The following STPG2 variants were observed in gnomAD, a reference collection of about 807,000 sequenced individuals.
STPG2 encodes sperm tail PG-rich repeat containing 2, also known as sperm-tail PG-rich repeat-containing protein 2.
Under a neutral mutation model 54.2 loss-of-function variants are expected in STPG2, and 56 were observed. That is an observed-to-expected ratio of 1.03 (90% CI 0.83 to 1.29). The LOEUF (loss-of-function observed/expected upper bound fraction) is 1.29. STPG2 is among the 50% of genes most tolerant of loss of function. The pLI, the probability that STPG2 is intolerant of heterozygous loss-of-function variation, is 0.00. For missense variants in STPG2, 596 were observed against 544.9 expected (o/e 1.09, Z -0.93); for synonymous variants, 200 against 181.8 (o/e 1.10, Z -0.81).
chr4:97,870,884 T>A (rs1729958722), intron 8 of STPG2, among the ~76,000 whole-genome samples: 1 of 150,870 alleles, frequency 6.6e-6, no homozygotes, highest in Non-Finnish European at 1.5e-5. Context: ...ATATAAAAAA[T>A]TCACCCCCAA....
intron 10 of STPG2, among the ~76,000 whole-genome samples, chr4:97,625,460 C>T (rs1734114976): frequency 6.6e-6 from 1 of 152,074 alleles, no homozygotes; most frequent in South Asian, 2.1e-4. Flanking sequence ...CAGGTGTGCA[C>T]CACCACACCC....
Position 97,860,101 on chromosome 4 carries a change from C to T in STPG2, c.1045-19169G>A, listed in dbSNP as rs138268292. Among the ~76,000 whole-genome samples the T allele has an allele frequency of 3.2e-3, 492 of 152,318 alleles. 2 individuals carry two copies. Among genetic ancestry groups the T allele is most frequent in the Non-Finnish European group, 5.6e-3 (380 of 68,032 alleles). ...ATTGGTCTACGTGCCAATTTGTACACCAGTAGCATGCTGTCTTGTTAACCA... is the reference window on the plus strand; with the variant it reads ...ATTGGTCTACGTGCCAATTTGTACATCAGTAGCATGCTGTCTTGTTAACCA... On this transcript the variant is annotated intron_variant, in intron 8 of 10. Coordinates refer to ENST00000295268, the MANE Select transcript of STPG2 (RefSeq NM_174952.3).
chr4:97,850,123 G>C (rs1040744367), intron 8 of STPG2, among the ~76,000 whole-genome samples: 1 of 150,778 alleles, frequency 6.6e-6, no homozygotes, highest in Non-Finnish European at 1.5e-5. Flanking sequence ...CCTTTGTAGG[G>C]ACATGGATGA....
chr4:98,141,151 C>T (rs997117374), intron 1 of STPG2, among the ~76,000 whole-genome samples: 1 of 151,986 alleles, frequency 6.6e-6, no homozygotes, highest in African/African-American at 2.4e-5. Flanking sequence ...TTATTTAATC[C>T]TATATATAGT....
chr4:97,508,935 G>C (rs1471844666), intron 4 of STPG2, among the ~76,000 whole-genome samples: 1 of 152,038 alleles, frequency 6.6e-6, no homozygotes, highest in East Asian at 1.9e-4. Context: ...TTGCTACACT[G>C]TTTTCATTGT....
chr4:97,577,070 T>C (rs1029444475), intron 10 of STPG2, among the ~76,000 whole-genome samples: 16 of 152,272 alleles, frequency 1.1e-4, no homozygotes, highest in South Asian at 1.0e-3. Flanking sequence ...GAATGGCTAT[T>C]ACTAAAAAGT....
chr4:97,743,954 C>T (rs1376498695), intron 9 of STPG2, among the ~76,000 whole-genome samples: 1 of 151,282 alleles, frequency 6.6e-6, no homozygotes, highest in Non-Finnish European at 1.5e-5. Context: ...GTAGAGGATA[C>T]AGTAGAGGAT....
intron 10 of STPG2, among the ~76,000 whole-genome samples, chr4:97,677,597 T>G (rs1722890188): frequency 6.6e-6 from 1 of 152,212 alleles, no homozygotes; most frequent in South Asian, 2.1e-4. Flanking sequence ...ATTATCCAAT[T>G]ACAAAAATAA....
intron 9 of STPG2, among the ~76,000 whole-genome samples, chr4:97,819,598 C>T (rs1420897195): frequency 1.3e-5 from 2 of 152,010 alleles, no homozygotes; most frequent in African/African-American, 4.8e-5. Context: ...ATTGCTGAGT[C>T]TATCATTCAT....
chr4:97,906,229 T>C (rs1412069485), intron 8 of STPG2, among the ~76,000 whole-genome samples: 1 of 152,200 alleles, frequency 6.6e-6, no homozygotes, highest in Non-Finnish European at 1.5e-5. Context: ...CAGAGAATAC[T>C]ACAAACACCT....
At chr4:97,532,529 C>G (rs1413470340) in intron 4 of STPG2, among the ~76,000 whole-genome samples, 1 of 152,034 alleles carries the variant, frequency 6.6e-6, no homozygotes, top group Non-Finnish European at 1.5e-5. Flanking sequence ...AGACACATAA[C>G]CCAAATAAGA....
chr4:97,866,881 T>C (rs1729806994), intron 8 of STPG2, among the ~76,000 whole-genome samples: 1 of 151,606 alleles, frequency 6.6e-6, no homozygotes, highest in Admixed American at 6.6e-5. Flanking sequence ...TTAAAGGCAG[T>C]GTGGCCCAAA....
intron 5 of STPG2, among the ~76,000 whole-genome samples, chr4:97,985,484 GA>G (rs1267749125): frequency 1.3e-5 from 2 of 152,130 alleles, no homozygotes; most frequent in Non-Finnish European, 1.5e-5. Flanking sequence ...TAAAATGCCC[GA>G]CAACTCCTAA....
At chr4:97,767,776 TA>T (rs1726098019) in intron 9 of STPG2, among the ~76,000 whole-genome samples, 1 of 152,224 alleles carries the variant, frequency 6.6e-6, no homozygotes, top group South Asian at 2.1e-4. Flanking sequence ...GGCTTTTTCC[TA>T]ACAATCTGGC....
chr4:97,740,031 C>T (rs1238321099), intron 9 of STPG2, among the ~76,000 whole-genome samples: 1 of 152,066 alleles, frequency 6.6e-6, no homozygotes, highest in Non-Finnish European at 1.5e-5. Flanking sequence ...AAGTGGGCTT[C>T]ATCCCTGGGA....
chr4:97,947,369 C>A (rs999309537), intron 7 of STPG2, among the ~76,000 whole-genome samples: 1 of 151,980 alleles, frequency 6.6e-6, no homozygotes, highest in African/African-American at 2.4e-5. Flanking sequence ...GTTTTACTTC[C>A]TTTTTTGCAA....
chr4:97,521,340 T>C (rs1408827432), intron 4 of STPG2, among the ~76,000 whole-genome samples: 1 of 152,058 alleles, frequency 6.6e-6, no homozygotes, highest in African/African-American at 2.4e-5. Flanking sequence ...CAATCTCTAA[T>C]TTAATTGATT....
intron 10 of STPG2, among the ~76,000 whole-genome samples, chr4:97,571,535 A>G (rs907263538): frequency 1.3e-5 from 2 of 152,130 alleles, no homozygotes; most frequent in African/African-American, 2.4e-5. Context: ...GCTCTCCACC[A>G]CCTCTTATAG....
At chr4:98,130,599 T>C (rs1485720064) in intron 2 of STPG2, among the ~76,000 whole-genome samples, 1 of 152,148 alleles carries the variant, frequency 6.6e-6, no homozygotes, top group Admixed American at 6.5e-5. Flanking sequence ...CCTTTCCATA[T>C]ATTTAAAAAG....
Sources: gnomAD v4.1 joint callset for allele counts (sites outside exome capture counted in the v4.1 genomes callset) on GRCh38, gnomAD v4.1.1 for gene constraint, MANE v1.5 for transcripts, NCBI Gene and HGNC (gene_info 2026-07-23, HGNC 2026-07-21) for gene names.